The following ZNF48 variants were observed in gnomAD, a reference collection of about 807,000 sequenced individuals.
ZNF48 encodes the protein zinc finger protein 553.
ZNF48 carries 20 observed loss-of-function variants against 40.0 expected under a neutral mutation model. That is an observed-to-expected ratio of 0.50 (90% CI 0.35 to 0.73). The LOEUF is 0.73. Among genes scored for constraint, ZNF48 ranks in the 30% least tolerant of loss-of-function variants. The pLI is 0.01. For missense variants in ZNF48, 726 were observed against 851.9 expected (o/e 0.85, Z 1.84); for synonymous variants, 298 against 329.7 (o/e 0.90, Z 1.04).
intron 1 of ZNF48, chr16:30,378,443 G>C: frequency 6.4e-7 from 1 of 1,572,332 alleles, no homozygotes; most frequent in Non-Finnish European, 8.6e-7. Context: ...CTCAGAGGGC[G>C]TCTGACTGCT....
chr16:30,396,396 C>T (rs1468320541), intron 2 of ZNF48, among the ~76,000 whole-genome samples: 3 of 152,108 alleles, frequency 2.0e-5, no homozygotes, highest in African/African-American at 4.8e-5. Context: ...TCCTTATCTC[C>T]TATCTCTCTT....
chr16:30,397,529 A>G lies in ZNF48; in HGVS notation c.279A>G (p.Arg93=). The change falls in exon 3 of 3, where the codon AGA becomes AGG. Residue 93 remains arginine, a synonymous_variant. Transcript: ENST00000613509. The surrounding 1 kb of genome is among the most constrained non-coding windows in gnomAD (Gnocchi z 4.1). ...EGLGKPQPRD[R]GPRLLGEPRW... ...TAGGAAAGCCTCAGCCTCGGGACAG[A>G]GGCCCCCGGCTCCTGGGTGAACCAC... The G allele has an allele frequency of 6.2e-7, 1 of 1,614,138 alleles. No homozygotes were observed. Among genetic ancestry groups the G allele is most frequent in the Non-Finnish European group, 8.5e-7 (1 of 1,180,018 alleles).
rs781069579 is a variant in ZNF48, at chr16:30,398,169, G to A, written c.919G>A (p.Val307Met). Residue 307 changes from valine to methionine, a missense_variant, in exon 3 of 3, where the codon GTG becomes ATG. This residue lies in a region of ZNF48 where 378 missense variants were observed against 449.1 expected (regional missense o/e 0.84). Coordinates refer to ENST00000613509, the MANE Select transcript of ZNF48 (RefSeq NM_001214909.2). The surrounding 1 kb of genome is among the most constrained non-coding windows in gnomAD (Gnocchi z 6.6). ...GGGGCCCAAGCCCTTTGGCTGTGAT[G>A]TGTGTGGAAAGGAGTTTGCCCGGGG... ...HLGPKPFGCD[V>M]CGKEFARGSD... 9.3e-6 allele frequency: 15 copies of A among 1,614,124 alleles called. No individual in the cohort carries two copies. The highest frequency in any genetic ancestry group is 2.2e-5 in the East Asian group (1 of 44,892).
chr16:30,380,870 T>G, intron 1 of ZNF48: 1 of 521,360 alleles, frequency 1.9e-6, no homozygotes, highest in South Asian at 2.3e-5. Flanking sequence ...GAAGTCACTA[T>G]GTTCTCATGT....
intron 1 of ZNF48, chr16:30,379,804 G>A (rs529873510): frequency 1.7e-5 from 11 of 647,080 alleles, no homozygotes; most frequent in African/African-American, 1.3e-4. Flanking sequence ...GTGGGGTCTC[G>A]CCATGTTGCC....
chr16:30,379,198 G>A (rs1322271959), intron 1 of ZNF48: 5 of 1,613,402 alleles, frequency 3.1e-6, no homozygotes, highest in Non-Finnish European at 4.2e-6. Flanking sequence ...AGGGGGGGCG[G>A]CGCGGACCAG....
chr16:30,380,076 A>T, intron 1 of ZNF48: 1 of 1,521,100 alleles, frequency 6.6e-7, no homozygotes, highest in Non-Finnish European at 8.9e-7. Context: ...ACGGGCCACA[A>T]TGACAGACAT....
rs1216757248 is a variant in ZNF48 at position 30,398,074 on chromosome 16, A to G, written c.824A>G (p.Tyr275Cys). 2 of 1,612,732 alleles carry G rather than the reference A, an allele frequency of 1.2e-6. No individual in the cohort carries two copies. Among genetic ancestry groups the G allele is most frequent in the Admixed American group, 1.7e-5 (1 of 59,928 alleles). ...TQGPKAQDKPYICTDCGKRFV... is the reference protein window; with the variant it reads ...TQGPKAQDKPCICTDCGKRFV... ...GGACCGAAGGCCCAGGACAAGCCAT[A>G]TATCTGCACTGATTGCGGCAAGAGG... Residue 275 changes from tyrosine to cysteine, a missense_variant, in exon 3 of 3, where the codon TAT (tyrosine) becomes TGT (cysteine). Physicochemically the swap from Tyr to Cys is radical, Grantham distance 194. This residue lies in a region of ZNF48 where 378 missense variants were observed against 449.1 expected (regional missense o/e 0.84). Transcript: ENST00000613509. This position sits in a 1 kb window ranked among gnomAD's most constrained non-coding sequence, Gnocchi z 6.6.
chr16:30,386,790 G>A (rs372806148), intron 1 of ZNF48, among the ~76,000 whole-genome samples: 21 of 151,422 alleles, frequency 1.4e-4, no homozygotes, highest in South Asian at 4.2e-4. Flanking sequence ...TCAGCCTCCC[G>A]AGTAGCTAGG....
chr16:30,381,990 C>G lies in ZNF48; in HGVS notation c.-16+3580C>G. 1 of 1,602,630 alleles carries G rather than the reference C, an allele frequency of 6.2e-7. No individual in the cohort carries two copies. Among genetic ancestry groups the G allele is most frequent in the Admixed American group, 1.7e-5 (1 of 58,934 alleles). ...CACCCATTTCCCAGGGGAGGAAAGT[C>G]TCAGAAAAAAAGCAGTCAACTACCT... On this transcript the variant is annotated intron_variant, in intron 1 of 2. Coordinates refer to the ZNF48 transcript ENST00000528032. This position sits in a 1 kb window ranked among gnomAD's most constrained non-coding sequence, Gnocchi z 4.3.
chr16:30,390,398 C>A (rs1007586203), intron 1 of ZNF48, among the ~76,000 whole-genome samples: 3 of 152,036 alleles, frequency 2.0e-5, no homozygotes, highest in African/African-American at 7.2e-5. Context: ...AACTTACATT[C>A]TTTTTTATTT....
intron 1 of ZNF48, among the ~76,000 whole-genome samples, chr16:30,385,271 TCCA>T (rs1227136740): frequency 6.6e-6 from 1 of 151,606 alleles, no homozygotes; most frequent in African/African-American, 2.4e-5. Flanking sequence ...CTCTCAGCAC[TCCA>T]CCACCGGCCT....
intron 1 of ZNF48, among the ~76,000 whole-genome samples, chr16:30,384,432 C>A (rs887074303): frequency 6.9e-5 from 10 of 143,984 alleles, no homozygotes; most frequent in African/African-American, 2.6e-4. Flanking sequence ...GAGGCTAAAG[C>A]AGAATTGCTT....
chr16:30,379,387 G>C, intron 1 of ZNF48: 1 of 1,538,990 alleles, frequency 6.5e-7, no homozygotes, highest in South Asian at 1.1e-5. Context: ...TGACCCAGAG[G>C]CCCCGGGCTC....
At chr16:30,388,912 AAAAT>A (rs1267239941) in intron 1 of ZNF48, among the ~76,000 whole-genome samples, 4 of 151,764 alleles carry the variant, frequency 2.6e-5, no homozygotes, top group Non-Finnish European at 5.9e-5. Flanking sequence ...ATTAAAAATA[AAAAT>A]AAATAAAAAT....
chr16:30,390,601 GTTTTTT>G (rs796708706), upstream of ZNF48, among the ~76,000 whole-genome samples: 870 of 53,372 alleles, frequency 0.016, 71 homozygotes, highest in African/African-American at 0.059. Context: ...GTAGAGACGG[GTTTTTT>G]TTTTTTTTTT....
Position 30,398,624 on chromosome 16 carries a change from G to C in ZNF48, c.1374G>C (p.Lys458Asn). ...DKPHKCPECG[K>N]GFRRSSDLVK... Reference sequence around the variant, plus strand: ...CCCACAAGTGCCCTGAGTGTGGCAAGGGCTTCCGCCGAAGCTCTGACCTGG... The same window carrying C: ...CCCACAAGTGCCCTGAGTGTGGCAACGGCTTCCGCCGAAGCTCTGACCTGG... The change falls in exon 3 of 3, where the codon AAG (lysine) becomes AAC (asparagine). Residue 458 changes from lysine to asparagine, a missense_variant. Coordinates refer to ENST00000613509, the MANE Select transcript of ZNF48 (RefSeq NM_001214909.2). This position sits in a 1 kb window ranked among gnomAD's most constrained non-coding sequence, Gnocchi z 6.6. The C allele has an allele frequency of 6.2e-7, 1 of 1,613,248 alleles. No homozygotes were observed. The highest frequency in any genetic ancestry group is 8.5e-7 in the Non-Finnish European group (1 of 1,179,964).
intron 1 of ZNF48, chr16:30,379,109 C>G: frequency 6.2e-7 from 1 of 1,614,136 alleles, no homozygotes; most frequent in South Asian, 1.1e-5. Flanking sequence ...TGCGTCACCT[C>G]TTTCAGGTCC....
At chr16:30,396,041 G>A in intron 2 of ZNF48, 168 bp downstream of exon 2, 1 of 598,268 alleles carries the variant, frequency 1.7e-6, no homozygotes, top group South Asian at 2.9e-5. Context: ...GCCGGGAGGG[G>A]CTCTTCACGG....
Sources: gnomAD v4.1 joint callset for allele counts (sites outside exome capture counted in the v4.1 genomes callset) on GRCh38, gnomAD v4.1.1 for gene constraint, gnomAD v4.1.1 regional missense constraint, Gnocchi (gnomAD v3.1) non-coding constraint, MANE v1.5 for transcripts, NCBI Gene and HGNC (gene_info 2026-07-23, HGNC 2026-07-21) for gene names.